The following FGF14 variants were observed in gnomAD, a reference collection of about 807,000 sequenced individuals.
The protein encoded by FGF14 is fibroblast growth factor homologous factor 4.
FGF14 carries 5 observed loss-of-function variants against 25.5 expected under a neutral mutation model. That is an observed-to-expected ratio of 0.20 (90% CI 0.10 to 0.41). The LOEUF is 0.41. Among genes scored for constraint, FGF14 ranks in the 10% least tolerant of loss-of-function variants. FGF14 has a pLI of 1.00. For synonymous variants in FGF14, 138 were observed against 118.3 expected (o/e 1.17, Z -1.08); for missense variants, 222 against 320.1 (o/e 0.69, Z 2.34).
At chr13:102,264,392 A>G (rs116807158) in intron 1 of FGF14, among the ~76,000 whole-genome samples, 1 of 152,120 alleles carries the variant, frequency 6.6e-6, no homozygotes, top group Non-Finnish European at 1.5e-5. Context: ...AAAGCACGAA[A>G]ACTGGCCAAA....
intron 1 of FGF14, among the ~76,000 whole-genome samples, chr13:102,090,165 C>T (rs887594913): frequency 4.6e-5 from 7 of 152,210 alleles, no homozygotes; most frequent in Non-Finnish European, 1.0e-4. Flanking sequence ...TGGACACATA[C>T]TCATTGAATA....
chr13:101,921,888 C>T (rs1176622773), upstream of FGF14, among the ~76,000 whole-genome samples: 1 of 152,194 alleles, frequency 6.6e-6, no homozygotes, highest in East Asian at 1.9e-4. Flanking sequence ...AATTACAACT[C>T]ATAAACACAG....
At chr13:102,092,185 G>GTTCC (rs1219739475) in intron 1 of FGF14, among the ~76,000 whole-genome samples, 4 of 152,150 alleles carry the variant, frequency 2.6e-5, no homozygotes, top group Admixed American at 2.6e-4. Context: ...TTGTAGTGCA[G>GTTCC]TTCCATTCCT....
At chr13:101,855,562 C>T (rs2044083235) in intron 3 of FGF14, among the ~76,000 whole-genome samples, 2 of 151,862 alleles carry the variant, frequency 1.3e-5, no homozygotes, top group East Asian at 1.9e-4. Context: ...AAATTAAGTC[C>T]TGCTATGTGC....
intron 1 of FGF14, among the ~76,000 whole-genome samples, chr13:102,346,250 T>G (rs1393976441): frequency 6.6e-6 from 1 of 152,192 alleles, no homozygotes; most frequent in Non-Finnish European, 1.5e-5. Context: ...AATAGGTATA[T>G]TCATAAAATG....
rs2032625564 is a variant in FGF14, at chr13:101,909,283, C to T, written c.193+7170G>A. On this transcript the variant is annotated intron_variant, in intron 1 of 4. Coordinates refer to ENST00000376143, the MANE Select transcript of FGF14 (RefSeq NM_004115.4). ...AAGAGCTTCTGCACAGCAAAAGAAA[C>T]CACCATCAGAGTGAACAGGCAACCT... 4.6e-5 allele frequency among the ~76,000 whole-genome samples: 7 copies of T among 152,232 alleles called. No individual in the cohort carries two copies. In the East Asian group the frequency reaches 1.2e-3, roughly 25 times the overall value.
chr13:102,397,790 C>T (rs2058617716), intron 1 of FGF14, among the ~76,000 whole-genome samples: 1 of 152,108 alleles, frequency 6.6e-6, no homozygotes, highest in African/African-American at 2.4e-5. Context: ...ATTTCCAGAA[C>T]GGGCCTATTA....
intron 1 of FGF14, among the ~76,000 whole-genome samples, chr13:102,143,241 G>T (rs2046718909): frequency 6.6e-6 from 1 of 152,132 alleles, no homozygotes; most frequent in South Asian, 2.1e-4. Flanking sequence ...TTGTCCTCTA[G>T]AATTTCTTGA....
chr13:102,017,782 T>C (rs868831024), intron 1 of FGF14, among the ~76,000 whole-genome samples: 1 of 152,144 alleles, frequency 6.6e-6, no homozygotes, highest in Admixed American at 6.6e-5. Flanking sequence ...ATCCTCTCTA[T>C]CTCTTTGCCT....
At chr13:101,746,893 G>A (rs972982678) in intron 3 of FGF14, among the ~76,000 whole-genome samples, 5 of 151,940 alleles carry the variant, frequency 3.3e-5, no homozygotes, top group African/African-American at 9.7e-5. Flanking sequence ...TTCATTTCCA[G>A]AAACTAGCAA....
At chr13:102,300,296 G>T (rs964181544) in intron 1 of FGF14, 3 of 151,930 alleles carry the variant, frequency 2.0e-5, no homozygotes, top group Admixed American at 6.6e-5. Flanking sequence ...CTCTCCAGCT[G>T]AAAACTACAG....
chr13:101,819,164 C>T (rs370855125), intron 3 of FGF14, among the ~76,000 whole-genome samples: 3 of 152,044 alleles, frequency 2.0e-5, no homozygotes, highest in Non-Finnish European at 4.4e-5. Context: ...GCTCAGGGAG[C>T]TTAGAGAAGT....
intron 3 of FGF14, among the ~76,000 whole-genome samples, chr13:101,786,178 C>A (rs2039813634): frequency 6.6e-6 from 1 of 152,142 alleles, no homozygotes; most frequent in South Asian, 2.1e-4. Flanking sequence ...CACCTTCAAC[C>A]TCACCTCCCA....
At chr13:102,295,342 T>G (rs1331341293) in intron 1 of FGF14, among the ~76,000 whole-genome samples, 1 of 152,172 alleles carries the variant, frequency 6.6e-6, no homozygotes, top group Non-Finnish European at 1.5e-5. Context: ...CACTCCACCA[T>G]GCACTGTGAT....
chr13:102,327,638 C>T (rs534745112), intron 1 of FGF14, among the ~76,000 whole-genome samples: 8 of 152,112 alleles, frequency 5.3e-5, no homozygotes, highest in African/African-American at 1.7e-4. Flanking sequence ...AATTCGAGAC[C>T]AGCCTGGGTA....
chr13:102,070,474 G>T (rs1488091778), intron 1 of FGF14, among the ~76,000 whole-genome samples: 1 of 152,116 alleles, frequency 6.6e-6, no homozygotes, highest in East Asian at 1.9e-4. Flanking sequence ...CAGTTTGGAG[G>T]TTCCTCAAAA....
chr13:102,346,559 T>C (rs2057110638), intron 1 of FGF14, among the ~76,000 whole-genome samples: 2 of 152,060 alleles, frequency 1.3e-5, no homozygotes, highest in African/African-American at 4.8e-5. Context: ...TACAGAGCCA[T>C]ATATATTTAT....
intron 1 of FGF14, among the ~76,000 whole-genome samples, chr13:102,197,255 G>A (rs536423013): frequency 1.3e-5 from 2 of 152,264 alleles, no homozygotes; most frequent in East Asian, 1.9e-4. Flanking sequence ...TCAAGTCAAA[G>A]TATGAGGTAG....
intron 1 of FGF14, among the ~76,000 whole-genome samples, chr13:102,303,126 T>G (rs1239198602): frequency 6.6e-6 from 1 of 152,198 alleles, no homozygotes; most frequent in East Asian, 1.9e-4. Flanking sequence ...AAGCCAGGAA[T>G]GCTCCCACCT....
Sources: gnomAD v4.1 joint callset for allele counts (sites outside exome capture counted in the v4.1 genomes callset) on GRCh38, gnomAD v4.1.1 for gene constraint, MANE v1.5 for transcripts, NCBI Gene and HGNC (gene_info 2026-07-23, HGNC 2026-07-21) for gene names.